The following EPHA6 variants were observed in gnomAD, a reference collection of about 807,000 sequenced individuals.
EPHA6 encodes the protein ephrin type-A receptor 6.
A neutral mutation model predicts 112.0 loss-of-function variants in EPHA6; 50 were observed. The observed-to-expected ratio is 0.45, with a 90% CI of 0.36 to 0.56. The LOEUF is 0.56. Ranked by LOEUF, EPHA6 falls within the 20% of genes least tolerant of loss-of-function variation. The pLI is 0.00. For missense variants in EPHA6, 1,280 were observed against 1,417.4 expected, an observed-to-expected ratio of 0.90 and a Z score of 1.56; for synonymous variants, 529 against 490.7, an observed-to-expected ratio of 1.08 and a Z score of -1.03.
chr3:97,331,200 A>G (rs1007737693), intron 5 of EPHA6, among the ~76,000 whole-genome samples: 7 of 152,182 alleles, frequency 4.6e-5, no homozygotes, highest in Non-Finnish European at 8.8e-5. Flanking sequence ...GAAACCAGCG[A>G]GAACAAAGAC....
At chr3:97,382,234 A>G (rs927421651) in intron 5 of EPHA6, among the ~76,000 whole-genome samples, 1 of 152,072 alleles carries the variant, frequency 6.6e-6, no homozygotes, top group African/African-American at 2.4e-5. Context: ...TAGCAAGTTC[A>G]TGGAAATGTT....
chr3:97,534,602 A>G (rs186004525), intron 11 of EPHA6, among the ~76,000 whole-genome samples: 28 of 152,198 alleles, frequency 1.8e-4, no homozygotes, highest in Non-Finnish European at 3.4e-4. Context: ...AAAAATATTC[A>G]GGTAGAGTGA....
chr3:97,158,768 G>T (rs2076346325), intron 3 of EPHA6, among the ~76,000 whole-genome samples: 1 of 152,142 alleles, frequency 6.6e-6, no homozygotes, highest in Non-Finnish European at 1.5e-5. Flanking sequence ...CAGACAAATT[G>T]GACCAGGGGA....
rs1294813082 is a variant in EPHA6 at position 97,320,816 on chromosome 3, C to CAAA, written c.1606+76533_1606+76535dup. On this transcript the variant is annotated intron_variant, in intron 5 of 17. Transcript: ENST00000389672. ...TACATCGTTCTGTGTTCTCTGGGGG[C>CAAA]AAAAAATAAAAAAAATAAAAAAAAA... Among the ~76,000 whole-genome samples the CAAA allele has an allele frequency of 1.3e-3, 126 of 93,900 alleles. 7 individuals are homozygous for CAAA. Among genetic ancestry groups the CAAA allele is most frequent in the African/African-American group, 4.9e-3 (110 of 22,586 alleles). The allele number at this position is 93,900 out of a possible 152,430, so 61.6% of individuals were successfully genotyped here.
chr3:97,584,115 T>C (rs568112958), intron 11 of EPHA6, among the ~76,000 whole-genome samples: 82 of 152,338 alleles, frequency 5.4e-4, no homozygotes, highest in Non-Finnish European at 6.5e-4. Context: ...TACATTGTTT[T>C]GAAAGTACTG....
chr3:97,423,470 T>C (rs1427398893), intron 6 of EPHA6, among the ~76,000 whole-genome samples: 3 of 152,014 alleles, frequency 2.0e-5, no homozygotes, highest in Non-Finnish European at 4.4e-5. Context: ...TCTACAATGA[T>C]AAATATAAAA....
intron 6 of EPHA6, among the ~76,000 whole-genome samples, chr3:97,406,299 G>A (rs1174467902): frequency 6.6e-6 from 1 of 152,154 alleles, no homozygotes; most frequent in African/African-American, 2.4e-5. Context: ...TGGTTCTGGA[G>A]ACGAAGAAGT....
intron 8 of EPHA6, among the ~76,000 whole-genome samples, chr3:97,477,793 A>ATGTTATATACAATTTC (rs2091420414): frequency 6.6e-6 from 1 of 151,864 alleles, no homozygotes; most frequent in Non-Finnish European, 1.5e-5. Context: ...AATTATCATG[A>ATGTTATATACAATTTC]AGGACAATCT....
intron 12 of EPHA6, among the ~76,000 whole-genome samples, chr3:97,608,023 C>T (rs1431396199): frequency 6.6e-6 from 1 of 150,574 alleles, no homozygotes; most frequent in Non-Finnish European, 1.5e-5. Flanking sequence ...TTATAATCTT[C>T]ACAGTATGAC....
chr3:97,496,921 G>A (rs1480311876), intron 10 of EPHA6, among the ~76,000 whole-genome samples: 2 of 152,042 alleles, frequency 1.3e-5, no homozygotes, highest in African/African-American at 4.8e-5. Flanking sequence ...CATTTGTAGT[G>A]AGATTTGCAT....
chr3:96,917,331 A>G (rs540116931), intron 2 of EPHA6, among the ~76,000 whole-genome samples: 7 of 146,420 alleles, frequency 4.8e-5, no homozygotes, highest in African/African-American at 1.5e-4. Context: ...TGGGACAGGA[A>G]TTGCTTGAAC....
chr3:96,892,879 A>G (rs1575947421), intron 2 of EPHA6, among the ~76,000 whole-genome samples: 1 of 152,130 alleles, frequency 6.6e-6, no homozygotes, highest in South Asian at 2.1e-4. Flanking sequence ...ATGTCTATGT[A>G]TATTCCAGTT....
chr3:96,897,658 A>G (rs1466718207), intron 2 of EPHA6, among the ~76,000 whole-genome samples: 2 of 152,216 alleles, frequency 1.3e-5, no homozygotes, highest in Non-Finnish European at 2.9e-5. Flanking sequence ...AGAAAGTCGA[A>G]TGCAGCTACA....
chr3:96,975,251 T>G (rs1188568718), intron 2 of EPHA6, among the ~76,000 whole-genome samples: 1 of 152,056 alleles, frequency 6.6e-6, no homozygotes, highest in Non-Finnish European at 1.5e-5. Context: ...GGCTGTAGAC[T>G]TGGGAGGGGC....
intron 3 of EPHA6, among the ~76,000 whole-genome samples, chr3:97,060,854 G>T (rs2045996307): frequency 6.7e-6 from 1 of 149,678 alleles, no homozygotes; most frequent in African/African-American, 2.5e-5. Flanking sequence ...AACCCGGGAG[G>T]CGGAGCTTAC....
At chr3:97,076,215 T>C (rs1265609854) in intron 3 of EPHA6, among the ~76,000 whole-genome samples, 1 of 152,106 alleles carries the variant, frequency 6.6e-6, no homozygotes, top group Non-Finnish European at 1.5e-5. Flanking sequence ...GATTGCCAAA[T>C]TGTGGGTGCA....
At chr3:97,242,237 A>G (rs1429918277) in intron 4 of EPHA6, among the ~76,000 whole-genome samples, 1 of 151,850 alleles carries the variant, frequency 6.6e-6, no homozygotes, top group Non-Finnish European at 1.5e-5. Flanking sequence ...GCAGTCCTGC[A>G]CTATCTAGCT....
chr3:97,433,776 C>CAGG (rs3037900), intron 6 of EPHA6, among the ~76,000 whole-genome samples: 18,657 of 151,902 alleles, frequency 0.12, 3,673 homozygotes, highest in African/African-American at 0.41. Flanking sequence ...GATGCGAATC[C>CAGG]AGAAGAAGAG....
intron 3 of EPHA6, among the ~76,000 whole-genome samples, chr3:97,057,399 A>G (rs1034882352): frequency 3.3e-5 from 5 of 152,330 alleles, no homozygotes; most frequent in South Asian, 2.1e-4. Context: ...TGAGGATGCT[A>G]TGATGGTTAA....
Sources: allele counts gnomAD v4.1 joint callset (sites outside exome capture counted in the v4.1 genomes callset), GRCh38; gene constraint gnomAD v4.1.1; transcripts MANE v1.5; gene names NCBI Gene and HGNC (gene_info 2026-07-23, HGNC 2026-07-21).